The following ASIC2 variants were observed in gnomAD, a reference collection of about 807,000 sequenced individuals.
The protein encoded by ASIC2 is acid-sensing ion channel 2.
A neutral mutation model predicts 57.3 loss-of-function variants in ASIC2; 25 were observed. The observed-to-expected ratio is 0.44, with a 90% CI of 0.32 to 0.61. ASIC2 has a LOEUF of 0.61. Ranked by LOEUF, ASIC2 falls within the 20% of genes least tolerant of loss-of-function variation. ASIC2 has a pLI of 0.06. For missense variants in ASIC2, 641 were observed against 738.1 expected (o/e 0.87, Z 1.52); for synonymous variants, 319 against 307.5 (o/e 1.04, Z -0.39).
At chr17:33,814,354 C>T (rs986125238) in intron 1 of ASIC2, among the ~76,000 whole-genome samples, 3 of 152,084 alleles carry the variant, frequency 2.0e-5, no homozygotes, top group Admixed American at 6.6e-5. Flanking sequence ...ACCATGTGTG[C>T]GTGTGTATGT....
intron 1 of ASIC2, among the ~76,000 whole-genome samples, chr17:33,125,506 C>T (rs1448369173): frequency 6.6e-6 from 1 of 152,170 alleles, no homozygotes; most frequent in South Asian, 2.1e-4. Context: ...AAAGACAAAA[C>T]ATTTTTAGTT....
chr17:33,464,355 G>C (rs949082875), intron 1 of ASIC2, among the ~76,000 whole-genome samples: 1 of 152,124 alleles, frequency 6.6e-6, no homozygotes, highest in African/African-American at 2.4e-5. Context: ...TGGAAAGCTG[G>C]TTGACTGGCA....
intron 1 of ASIC2, among the ~76,000 whole-genome samples, chr17:33,188,519 CA>C (rs1906291640): frequency 6.6e-6 from 1 of 151,862 alleles, no homozygotes; most frequent in Admixed American, 6.6e-5. Flanking sequence ...ATATCAAAAC[CA>C]AATTGCTGAA....
intron 1 of ASIC2, among the ~76,000 whole-genome samples, chr17:33,458,285 T>G (rs7223348): frequency 0.36 from 54,148 of 152,068 alleles, 9,841 homozygotes; most frequent in Middle Eastern, 0.48. Context: ...CAGAGTAGAT[T>G]GAGGATCATT....
intron 1 of ASIC2, among the ~76,000 whole-genome samples, chr17:34,052,949 T>C (rs928605510): frequency 8.6e-5 from 13 of 151,712 alleles, no homozygotes; most frequent in Non-Finnish European, 1.3e-4. Context: ...TCATCTTTTC[T>C]CCCTTCTCCT....
intron 1 of ASIC2, among the ~76,000 whole-genome samples, chr17:33,499,914 G>A (rs1042857836): frequency 1.3e-5 from 2 of 152,142 alleles, no homozygotes; most frequent in Non-Finnish European, 2.9e-5. Context: ...GCATCAGGCC[G>A]CGGCCAGAGC....
intron 1 of ASIC2, among the ~76,000 whole-genome samples, chr17:33,167,438 T>C (rs2142045126): frequency 6.6e-6 from 1 of 152,330 alleles, no homozygotes; most frequent in Admixed American, 6.5e-5. Context: ...CCTTGTCATT[T>C]CTCACCTGGA....
chr17:33,706,771 T>C (rs1182915293), intron 1 of ASIC2, among the ~76,000 whole-genome samples: 1 of 152,222 alleles, frequency 6.6e-6, no homozygotes, highest in Non-Finnish European at 1.5e-5. Flanking sequence ...ATCTGTGATT[T>C]TCATTCTGCC....
intron 1 of ASIC2, among the ~76,000 whole-genome samples, chr17:33,830,676 C>T (rs1030391226): frequency 6.6e-6 from 1 of 152,186 alleles, no homozygotes; most frequent in South Asian, 2.1e-4. Flanking sequence ...TTAAGCCACA[C>T]ACGCATTAGG....
intron 1 of ASIC2, among the ~76,000 whole-genome samples, chr17:33,627,535 AGGAAGAATGAATGAGCCTTG>A (rs1373855423): frequency 6.6e-6 from 1 of 152,218 alleles, no homozygotes; most frequent in Admixed American, 6.5e-5. Flanking sequence ...TCTTCCCAAC[AGGAAGAATGAATGAGCCTTG>A]GGGCGGTGGT....
chr17:33,723,556 T>C (rs1450367366), intron 1 of ASIC2, among the ~76,000 whole-genome samples: 2 of 152,216 alleles, frequency 1.3e-5, no homozygotes, highest in Non-Finnish European at 2.9e-5. Flanking sequence ...CTCGAACTCC[T>C]GGCCTCAAGT....
rs12450146 is a variant in ASIC2 at position 33,885,393 on chromosome 17, C to T, written c.555+270585G>A. On this transcript the variant is annotated intron_variant, in intron 1 of 9. Transcript: ENST00000359872. The stretch of plus-strand genomic sequence containing the variant: ...TAAGAACAAAGCAAGCTCTCAAAAA[C>T]GTGATCAGGTGTTACCATCTACCCT... Among the ~76,000 whole-genome samples, 3,594 of 152,256 alleles carry T rather than the reference C, an allele frequency of 0.024. 381 individuals are homozygous for T. The East Asian group carries it at 0.36, about 15-fold the overall frequency.
chr17:34,005,103 G>A (rs903249841), intron 1 of ASIC2: 12 of 152,240 alleles, frequency 7.9e-5, no homozygotes, highest in African/African-American at 2.9e-4. Context: ...ATCTCCCATA[G>A]CCCACTGCTT....
chr17:33,110,294 C>CCCTGTAGA (rs1325531565), intron 2 of ASIC2, among the ~76,000 whole-genome samples: 1 of 152,198 alleles, frequency 6.6e-6, no homozygotes, highest in Admixed American at 6.5e-5. Context: ...CCCCTGGACT[C>CCCTGTAGA]CGGGTTGTCT....
At chr17:33,238,196 CCACAGGTGAAATCG>C (rs1908369095) in intron 1 of ASIC2, among the ~76,000 whole-genome samples, 1 of 152,166 alleles carries the variant, frequency 6.6e-6, no homozygotes, top group South Asian at 2.1e-4. Context: ...GTGAAGGATC[CCACAGGTGAAATCG>C]CAGAGGCTGT....
intron 1 of ASIC2, among the ~76,000 whole-genome samples, chr17:34,150,719 A>C (rs974910208): frequency 6.6e-6 from 1 of 152,130 alleles, no homozygotes; most frequent in Non-Finnish European, 1.5e-5. Flanking sequence ...TGGGAATGGG[A>C]AGGGGATGGG....
chr17:33,325,706 A>G (rs1907048066), intron 1 of ASIC2, among the ~76,000 whole-genome samples: 2 of 152,150 alleles, frequency 1.3e-5, no homozygotes, highest in Admixed American at 1.3e-4. Flanking sequence ...GCAAGTGGGT[A>G]TGAGAAAGAT....
chr17:33,524,213 C>T (rs985958857), intron 1 of ASIC2, among the ~76,000 whole-genome samples: 3 of 152,204 alleles, frequency 2.0e-5, no homozygotes, highest in Non-Finnish European at 4.4e-5. Flanking sequence ...GCCCTCCAGT[C>T]AGAATGTGCT....
intron 3 of ASIC2, among the ~76,000 whole-genome samples, chr17:33,053,305 G>C (rs1050341979): frequency 1.3e-5 from 2 of 152,166 alleles, no homozygotes; most frequent in African/African-American, 4.8e-5. Context: ...ATTCACCTCT[G>C]ATATCTGTTG....
Sources: allele counts gnomAD v4.1 joint callset (sites outside exome capture counted in the v4.1 genomes callset), GRCh38; gene constraint gnomAD v4.1.1; transcripts MANE v1.5; gene names NCBI Gene and HGNC (gene_info 2026-07-23, HGNC 2026-07-21).